Variants in SART1 observed in about 807,000 individuals in gnomAD.
SART1 encodes U4/U6.U5 tri-snRNP-associated protein 1.
A neutral mutation model predicts 105.0 loss-of-function variants in SART1; 28 were observed. The observed-to-expected ratio is 0.27, with a 90% CI of 0.20 to 0.37. SART1 has a LOEUF of 0.37. SART1 is among the 10% of genes least tolerant of loss of function. SART1 has a pLI of 1.00. For synonymous variants in SART1, 472 were observed against 462.9 expected (o/e 1.02, Z -0.25); for missense variants, 894 against 1,106.5 (o/e 0.81, Z 2.72).
chr11:65,974,529 A>G (rs1025321222), intron 12 of SART1, among the ~76,000 whole-genome samples: 1 of 151,670 alleles, frequency 6.6e-6, no homozygotes, highest in Non-Finnish European at 1.5e-5. Context: ...AAATACAAAA[A>G]TTAGCTGGTT....
At chr11:65,977,458 G>C in intron 15 of SART1, 105 bp from the exon 16 acceptor site, 1 of 925,950 alleles carries the variant, frequency 1.1e-6, no homozygotes, top group East Asian at 2.5e-5. Flanking sequence ...CTTTCCAGAG[G>C]CAAGGAAAGG....
In SART1 at chr11:65,966,401, C is replaced by T. The variant is rs138794561; in HGVS notation, c.1033C>T (p.Arg345Trp). Residue 345 changes from arginine to tryptophan, a missense_variant, in exon 9 of 20, where the codon CGG becomes TGG. Around this residue, in one of 2 missense-constraint regions of SART1, gnomAD observed 712 missense variants for 778.2 expected, o/e 0.91. Transcript: ENST00000312397. ...SKYDEELEGE[R>W]PHSFRLEQGG... is the part of the protein sequence containing the mutation. ...GTATGACGAAGAGCTTGAAGGGGAG[C>T]GGCCACATTCCTTCCGCTTGGAGCA... The T allele has an allele frequency of 1.2e-5, 19 of 1,613,926 alleles. No homozygotes were observed. Among genetic ancestry groups the T allele is most frequent in the South Asian group, 2.2e-5 (2 of 91,088 alleles).
intron 10 of SART1, 42 bp from the exon 11 acceptor site, chr11:65,967,429 G>A (rs1258393721): frequency 3.1e-6 from 5 of 1,613,728 alleles, no homozygotes; most frequent in Non-Finnish European, 4.2e-6. Flanking sequence ...GGCTGGGGTG[G>A]CCTGGGGACC....
At position 65,978,038 on chromosome 11, in the gene SART1, G is replaced by T. The variant is rs999763208; in HGVS notation, c.2172+139G>T. ...TGGCTGGGGGCCTGGTGAATGCCAC[G>T]GATGGGGAGGGGGCCCTCAGGGCTG... On this transcript the variant is annotated intron_variant, in intron 17 of 19. Transcript: ENST00000312397. This position sits in a 1 kb window ranked among gnomAD's most constrained non-coding sequence, Gnocchi z 6.8. 1 of 880,596 alleles carries T rather than the reference G, an allele frequency of 1.1e-6. No homozygotes were observed. Among genetic ancestry groups the T allele is most frequent in the Non-Finnish European group, 1.7e-6 (1 of 581,572 alleles). 54.5% of individuals were successfully genotyped at this position (880,596 alleles called of 1,614,324 possible). A position where few individuals can be genotyped will look rare whatever the true frequency, so the allele number is the denominator to read the frequency against.
intron 11 of SART1, 40 bp from the exon 12 acceptor site, chr11:65,967,636 TGGA>T (rs1565314245): frequency 6.3e-7 from 1 of 1,596,994 alleles, no homozygotes; most frequent in Non-Finnish European, 8.5e-7. Flanking sequence ...AGCCGCGGGT[TGGA>T]GGAGATGGTC....
At chr11:65,965,542 T>C (rs1029204026) in intron 5 of SART1, 95 bp downstream of exon 5, 2 of 1,388,554 alleles carry the variant, frequency 1.4e-6, no homozygotes, top group Non-Finnish European at 2.0e-6. Flanking sequence ...GAGACGGGGC[T>C]TGGAGAAGGG....
intron 7 of SART1, 33 bp from the exon 8 acceptor site, chr11:65,966,043 G>T: frequency 6.2e-7 from 1 of 1,613,886 alleles, no homozygotes; most frequent in South Asian, 1.1e-5. Context: ...TTGCGGACAA[G>T]TGTGAATGGC....
chr11:65,969,652 C>T (rs547214860), intron 12 of SART1, among the ~76,000 whole-genome samples: 20 of 152,152 alleles, frequency 1.3e-4, no homozygotes, highest in African/African-American at 4.3e-4. Context: ...TGAGCTCAAA[C>T]GATCCTCTCG....
chr11:65,963,948 T>C (rs1855196528), intron 1 of SART1, 126 bp from the exon 2 acceptor site: 1 of 737,340 alleles, frequency 1.4e-6, no homozygotes, highest in Non-Finnish European at 2.3e-6. Context: ...AGCTGCTGTT[T>C]TCTGGTGTTT....
chr11:65,967,823 T>TGAGG lies in SART1; in HGVS notation c.1572+3_1572+6dup, dbSNP rs1326802716. ...CAGCTGCGAGACAGTGGCGAGAAGG[T>TGAGG]GAGGCTGGGCATGGGCAGGGTGACT... On this transcript the variant is annotated splice_region_variant and intron_variant, in intron 12 of 19. Coordinates refer to ENST00000312397, the MANE Select transcript of SART1 (RefSeq NM_005146.5). 11 of 1,526,860 alleles carry TGAGG rather than the reference T, an allele frequency of 7.2e-6. No homozygotes were observed. Among genetic ancestry groups the TGAGG allele is most frequent in the Non-Finnish European group, 9.7e-6 (11 of 1,134,230 alleles). 94.6% of individuals were successfully genotyped at this position (1,526,860 alleles called of 1,614,324 possible).
Position 65,966,623 on chromosome 11 carries a change from C to T in SART1, c.1188+67C>T, listed in dbSNP as rs571081144. 24 of 1,408,884 alleles carry T rather than the reference C, an allele frequency of 1.7e-5. No individual in the cohort carries two copies. In the African/African-American group the frequency reaches 2.0e-4, roughly 12 times the overall value. 87.3% of individuals were successfully genotyped at this position (1,408,884 alleles called of 1,614,324 possible). A position where few individuals can be genotyped will look rare whatever the true frequency, so the allele number is the denominator to read the frequency against. ...CTCCCTCTGGGGCTCCTGCCCTGCC[C>T]GCAGGCACTGAGAAGACAGGGCGAG... On this transcript the variant is annotated intron_variant, in intron 9 of 19. Transcript: ENST00000312397.
chr11:65,964,228 C>CAGATT, intron 2 of SART1, 97 bp downstream of exon 2: 1 of 1,077,116 alleles, frequency 9.3e-7, no homozygotes, highest in Non-Finnish European at 1.4e-6. Context: ...GTGTGCTAAT[C>CAGATT]AGAGTTGGAA....
chr11:65,977,170 TCCGGTCCCCTCTGCTGCCCCTTTCTCTC>T, intron 15 of SART1, 69 bp downstream of exon 15: 1 of 1,136,792 alleles, frequency 8.8e-7, no homozygotes. Flanking sequence ...CAGGGCCCCC[TCCGGTCCCCTCTGCTGCCCCTTTCTCTC>T]AGTCCCAATG....
intron 7 of SART1, 39 bp downstream of exon 7, chr11:65,966,025 C>T (rs776898284): frequency 6.2e-7 from 1 of 1,613,968 alleles, no homozygotes; most frequent in South Asian, 1.1e-5. Context: ...GGCACAGCCT[C>T]TGCTGAGTTG....
chr11:65,964,693 GA>G, intron 3 of SART1, 123 bp downstream of exon 3: 1 of 960,034 alleles, frequency 1.0e-6, no homozygotes, highest in Non-Finnish European at 1.5e-6. Context: ...ATATTTGCCG[GA>G]AGGCATGAGG....
At position 65,965,913 on chromosome 11, in the gene SART1, G is replaced by A. The variant is rs774796050; in HGVS notation, c.765G>A (p.Gln255=). The change falls in exon 7 of 20, where the codon CAG becomes CAA. Residue 255 remains glutamine, a synonymous_variant. Transcript: ENST00000312397. ...RQDLYSARDL[Q]GLTVEHAIDS... ...ACCTGTACAGTGCCCGGGACCTGCA[G>A]GGCCTCACCGTGGAGCATGCCATTG... 5 of 1,614,110 alleles carry A rather than the reference G, an allele frequency of 3.1e-6. No homozygotes were observed. The South Asian group carries it at 5.5e-5, about 18-fold the overall frequency.
rs372169365 is a variant in SART1 at position 65,967,550 on chromosome 11, G to A, written c.1393G>A (p.Asp465Asn). The stretch of plus-strand genomic sequence containing the variant: ...TGTGCCTCAGCCCCTGCCGTCGGAC[G>A]ACACCCGAGTGGAGAACATGGACAT... ...EPVPQPLPSD[D>N]TRVENMDISD... Residue 465 changes from aspartate to asparagine, a missense_variant, in exon 11 of 20, where the codon GAC (aspartate) becomes AAC (asparagine). This residue lies in a region of SART1 where 712 missense variants were observed against 778.2 expected (regional missense o/e 0.91). Transcript: ENST00000312397. 2 of 1,612,722 alleles carry A rather than the reference G, an allele frequency of 1.2e-6. No homozygotes were observed. Among genetic ancestry groups the A allele is most frequent in the East Asian group, 2.2e-5 (1 of 44,890 alleles).
At chr11:65,962,985 C>T (rs909199738) in intron 1 of SART1, among the ~76,000 whole-genome samples, 1 of 143,276 alleles carries the variant, frequency 7.0e-6, no homozygotes, top group African/African-American at 2.6e-5. Context: ...AGATTTGGAG[C>T]GGGGGTGGGG....
intron 9 of SART1, 30 bp from the exon 10 acceptor site, chr11:65,967,229 C>T (rs776199470): frequency 2.7e-5 from 44 of 1,608,752 alleles, no homozygotes; most frequent in South Asian, 8.9e-5. Context: ...CTGTGGCCCC[C>T]GCTCCATGTC....
Sources: allele counts gnomAD v4.1 joint callset (sites outside exome capture counted in the v4.1 genomes callset), GRCh38; gene constraint gnomAD v4.1.1; regional missense constraint gnomAD v4.1.1; non-coding constraint Gnocchi (gnomAD v3.1); transcripts MANE v1.5; gene names NCBI Gene and HGNC (gene_info 2026-07-23, HGNC 2026-07-21).